Variants in NEGR1 observed in about 807,000 individuals in gnomAD.
NEGR1 encodes neuronal growth regulator 1.
Under a neutral mutation model 40.9 loss-of-function variants are expected in NEGR1, and 10 were observed. That is an observed-to-expected ratio of 0.24 (90% CI 0.15 to 0.42). The LOEUF (loss-of-function observed/expected upper bound fraction) is 0.42. NEGR1 is among the 10% of genes least tolerant of loss of function. The probability of loss-of-function intolerance (pLI) is 1.00; values close to 1 mark genes in which losing one functional copy is unlikely to be tolerated. For missense variants in NEGR1, 352 were observed against 438.9 expected, an observed-to-expected ratio of 0.80 and a Z score of 1.77; for synonymous variants, 185 against 166.8, an observed-to-expected ratio of 1.11 and a Z score of -0.84.
intron 2 of NEGR1, among the ~76,000 whole-genome samples, chr1:71,916,962 C>T (rs971765205): frequency 1.1e-4 from 17 of 152,062 alleles, no homozygotes; most frequent in African/African-American, 3.9e-4. Context: ...TGACTGACAA[C>T]GGGAGTCTGG....
chr1:71,542,024 C>G (rs151219501), intron 6 of NEGR1, among the ~76,000 whole-genome samples: 10 of 151,642 alleles, frequency 6.6e-5, no homozygotes, highest in African/African-American at 2.4e-4. Flanking sequence ...TGTATTGTAA[C>G]GGAGACCATA....
At chr1:71,551,988 G>T (rs1478573781) in intron 6 of NEGR1, among the ~76,000 whole-genome samples, 1 of 151,196 alleles carries the variant, frequency 6.6e-6, no homozygotes, top group East Asian at 2.0e-4. Flanking sequence ...TATTGACAAA[G>T]ACTCTTTCCT....
intron 1 of NEGR1, chr1:72,274,515 TGTATCG>T (rs1655969940): frequency 1.5e-6 from 1 of 664,288 alleles, no homozygotes; most frequent in African/African-American, 1.8e-5. Context: ...TCAAGTTGTC[TGTATCG>T]GTATCCCAAT....
chr1:71,574,110 C>A (rs1164091648), intron 6 of NEGR1, among the ~76,000 whole-genome samples: 3 of 152,172 alleles, frequency 2.0e-5, no homozygotes, highest in African/African-American at 7.2e-5. Context: ...AGAAAAAGAG[C>A]AGGCTTACTT....
chr1:71,571,410 G>A lies in NEGR1; in HGVS notation c.940+21407C>T, dbSNP rs528428599. 1.4e-4 allele frequency among the ~76,000 whole-genome samples: 21 copies of A among 152,266 alleles called. No individual in the cohort carries two copies. The South Asian group carries it at 4.4e-3, about 32-fold the overall frequency. On this transcript the variant is annotated intron_variant, in intron 6 of 6. Transcript: ENST00000357731. ...ATAAATAGCAGTTTTCTATATGATTGACCAAATTGATTTTGCCAAGATGCA... is the reference window on the plus strand; with the variant it reads ...ATAAATAGCAGTTTTCTATATGATTAACCAAATTGATTTTGCCAAGATGCA...
chr1:71,683,083 G>T (rs957145401), intron 4 of NEGR1, among the ~76,000 whole-genome samples: 11 of 152,240 alleles, frequency 7.2e-5, no homozygotes, highest in Admixed American at 4.6e-4. Context: ...GGACTAAGAG[G>T]CTGCAGACTT....
chr1:71,602,238 C>CTTTTT (rs386367303), intron 5 of NEGR1, among the ~76,000 whole-genome samples: 5 of 64,536 alleles, frequency 7.7e-5, no homozygotes, highest in Non-Finnish European at 1.1e-4. Flanking sequence ...CATGATTATT[C>CTTTTT]TTTTTTTTTT....
At chr1:72,135,404 C>CA (rs562148946) in intron 1 of NEGR1, among the ~76,000 whole-genome samples, 23,912 of 65,550 alleles carry the variant, frequency 0.36, 2,804 homozygotes, top group Non-Finnish European at 0.43. Context: ...AAACAAAAAA[C>CA]AAAAAAAAAA....
At chr1:71,796,431 C>T (rs1222175609) in intron 2 of NEGR1, among the ~76,000 whole-genome samples, 6 of 152,072 alleles carry the variant, frequency 3.9e-5, no homozygotes, top group South Asian at 2.1e-4. Context: ...AAAAAATAAT[C>T]GAGAAACAGG....
chr1:71,408,572 G>A (rs1392765320), intron 6 of NEGR1: 2 of 151,972 alleles, frequency 1.3e-5, no homozygotes, highest in Non-Finnish European at 2.9e-5. Flanking sequence ...TGAACAGACA[G>A]TTGCCTAGTT....
chr1:72,038,556 T>C (rs1159130840), intron 1 of NEGR1, among the ~76,000 whole-genome samples: 1 of 151,982 alleles, frequency 6.6e-6, no homozygotes, highest in Admixed American at 6.6e-5. Flanking sequence ...AATAACTCCA[T>C]TTGCAAATGA....
In NEGR1 at chr1:72,110,495, CT is replaced by C. The variant is rs1649318320; in HGVS notation, c.176+171823del. ...TTATGGTAGCCATGGTAATTATCTGCTCTCTAAGGGATAAAATGATTTTCCA... is the reference window on the plus strand; with the variant it reads ...TTATGGTAGCCATGGTAATTATCTGCCTCTAAGGGATAAAATGATTTTCCA... On this transcript the variant is annotated intron_variant, in intron 1 of 6. Coordinates refer to ENST00000357731, the MANE Select transcript of NEGR1 (RefSeq NM_173808.3). 4.0e-5 allele frequency among the ~76,000 whole-genome samples: 6 copies of C among 151,474 alleles called. No individual in the cohort carries two copies. The South Asian group carries it at 1.0e-3, about 26-fold the overall frequency.
At chr1:72,239,188 TAC>T (rs1203114008) in intron 1 of NEGR1, among the ~76,000 whole-genome samples, 3 of 151,864 alleles carry the variant, frequency 2.0e-5, no homozygotes, top group Non-Finnish European at 4.4e-5. Context: ...AAACAGAAAC[TAC>T]AGTTTTGATA....
intron 1 of NEGR1, among the ~76,000 whole-genome samples, chr1:71,986,330 A>G (rs1050388610): frequency 1.3e-4 from 20 of 152,316 alleles, no homozygotes; most frequent in Non-Finnish European, 2.1e-4. Context: ...ACTTTAAAAG[A>G]AACATTTGTC....
chr1:71,680,783 A>C (rs542503269), intron 4 of NEGR1, among the ~76,000 whole-genome samples: 1 of 152,320 alleles, frequency 6.6e-6, no homozygotes, highest in African/African-American at 2.4e-5. Context: ...TATAGTTAAT[A>C]TTTATTAAAG....
chr1:71,887,488 C>T (rs970195547), intron 2 of NEGR1, among the ~76,000 whole-genome samples: 2 of 152,006 alleles, frequency 1.3e-5, no homozygotes, highest in Admixed American at 1.3e-4. Context: ...ATTTTTTAAC[C>T]TTAATTTTCA....
At chr1:71,624,023 T>C (rs1650690254) in intron 4 of NEGR1, among the ~76,000 whole-genome samples, 11 of 151,910 alleles carry the variant, frequency 7.2e-5, no homozygotes, top group Admixed American at 7.2e-4. Flanking sequence ...TACATACACA[T>C]TTTGCTCAGA....
At chr1:72,234,612 G>T (rs1473231215) in intron 1 of NEGR1, among the ~76,000 whole-genome samples, 1 of 151,826 alleles carries the variant, frequency 6.6e-6, no homozygotes, top group Non-Finnish European at 1.5e-5. Flanking sequence ...ACTAAAAACT[G>T]GGCAAAGGCA....
chr1:71,918,912 C>T lies in NEGR1; in HGVS notation c.409+16167G>A, dbSNP rs190287906. Among the ~76,000 whole-genome samples the T allele has an allele frequency of 3.3e-3, 505 of 152,216 alleles. 2 individuals are homozygous for T. Among genetic ancestry groups the T allele is most frequent in the Non-Finnish European group, 5.7e-3 (391 of 68,004 alleles). ...CACAGCAATGAAATATCTGTTAAGC[C>T]GGGGTAACTGATTCCCATGTGGCTT... On this transcript the variant is annotated intron_variant, in intron 2 of 6. Transcript: ENST00000357731.
Sources: allele counts gnomAD v4.1 joint callset (sites outside exome capture counted in the v4.1 genomes callset), GRCh38; gene constraint gnomAD v4.1.1; transcripts MANE v1.5; gene names NCBI Gene and HGNC (gene_info 2026-07-23, HGNC 2026-07-21).